Variants in LSR observed in about 807,000 individuals in gnomAD.
The protein encoded by LSR is lipolysis stimulated lipoprotein receptor, also known as lipolysis-stimulated lipoprotein receptor.
A neutral mutation model predicts 61.8 loss-of-function variants in LSR; 44 were observed. The observed-to-expected ratio is 0.71, with a 90% confidence interval of 0.56 to 0.91. The LOEUF is 0.91. Among genes scored for constraint, LSR ranks in the 40% least tolerant of loss-of-function variants. The pLI is 0.00. For missense variants in LSR, 911 were observed against 830.5 expected, an observed-to-expected ratio of 1.10 and a Z score of -1.19; for synonymous variants, 397 against 350.6, an observed-to-expected ratio of 1.13 and a Z score of -1.48.
chr19:35,250,791 A>AATT, intron 2 of LSR, 132 bp downstream of exon 2: 2 of 599,130 alleles, frequency 3.3e-6, no homozygotes, highest in Non-Finnish European at 5.4e-6. Context: ...TGAAGGGAGC[A>AATT]ATTCTTTTTT....
chr19:35,254,185 G>A (rs62112772), intron 2 of LSR, among the ~76,000 whole-genome samples: 24,771 of 152,032 alleles, frequency 0.16, 2,528 homozygotes, highest in South Asian at 0.23. Flanking sequence ...CCTCTGCCTC[G>A]CAAGTTCAAG....
chr19:35,258,892 G>A (rs1469225894), intron 2 of LSR, 53 bp from the exon 3 acceptor site: 25 of 1,610,660 alleles, frequency 1.6e-5, no homozygotes, highest in Non-Finnish European at 2.0e-5. Context: ...GCCCTCCAGG[G>A]GTTAGGTGCC....
rs2901966 is a variant in LSR, at chr19:35,262,847, T to G, written c.778+155T>G. On this transcript the variant is annotated intron_variant, in intron 5 of 9. Coordinates refer to ENST00000605618, the MANE Select transcript of LSR (RefSeq NM_205834.4). ...AGTAGGCTGAGGAGGGTCTGCTGTT[T>G]AGATTGTCGTTTACTTCCTCCAACT... The G allele has an allele frequency of 4.1e-4, 325 of 799,440 alleles. No individual in the cohort carries two copies. In the African/African-American group the frequency reaches 5.1e-3, roughly 13 times the overall value. The allele number at this position is 799,440 out of a possible 1,614,324, so 49.5% of individuals were successfully genotyped here.
Position 35,262,649 on chromosome 19 carries a change from C to G in LSR, c.735C>G (p.Val245=), listed in dbSNP as rs766257659. 9.0e-5 allele frequency: 146 copies of G among 1,614,044 alleles called. No homozygotes were observed. Among genetic ancestry groups the G allele is most frequent in the Non-Finnish European group, 1.1e-4 (131 of 1,180,038 alleles). The change falls in exon 5 of 10, where the codon GTC becomes GTG. Residue 245 remains valine, a synonymous_variant. Coordinates refer to ENST00000605618, the MANE Select transcript of LSR (RefSeq NM_205834.4). ...QCCPHTCCCY[V]RCPCCPDKCC... is the part of the protein sequence containing the mutation. ...GCCCGCACACTTGCTGCTGCTACGT[C>G]AGGTGCCCCTGCTGCCCAGACAAGT...
intron 2 of LSR, 70 bp from the exon 3 acceptor site, chr19:35,258,875 G>A: frequency 6.2e-7 from 1 of 1,604,034 alleles, no homozygotes; most frequent in Middle Eastern, 1.7e-4. Flanking sequence ...CTGGGAAGGG[G>A]TCTTTGGCCC....
At chr19:35,262,019 C>A in intron 4 of LSR, 38 bp downstream of exon 4, 2 of 1,501,192 alleles carry the variant, frequency 1.3e-6, no homozygotes, top group Non-Finnish European at 1.8e-6. Context: ...TTCTCGGGAG[C>A]TCCCATACAT....
intron 3 of LSR, among the ~76,000 whole-genome samples, chr19:35,260,928 G>A (rs906837728): frequency 1.3e-5 from 2 of 152,348 alleles, no homozygotes; most frequent in Non-Finnish European, 1.5e-5. Context: ...ACATTCATGG[G>A]AGAACAAGTG....
Position 35,267,589 on chromosome 19 carries a change from T to C in LSR, c.1625T>C (p.Leu542Pro). 1 of 1,612,098 alleles carries C rather than the reference T, an allele frequency of 6.2e-7. No homozygotes were observed. Among genetic ancestry groups the C allele is most frequent in the Non-Finnish European group, 8.5e-7 (1 of 1,179,628 alleles). Reference sequence around the variant, plus strand: ...GGGGACCTCCCCTATGATGGGCGGCTACTGGAGGAGGCTGTGAGGAAGAAG... The same window carrying C: ...GGGGACCTCCCCTATGATGGGCGGCCACTGGAGGAGGCTGTGAGGAAGAAG... ...RSGDLPYDGR[L>P]LEEAVRKKGS... Residue 542 changes from leucine (L) to proline (P), a missense_variant, in exon 9 of 10, where the codon CTA (leucine) becomes CCA (proline). Transcript: ENST00000605618.
At chr19:35,249,453 G>C (rs531763780) in intron 1 of LSR, 3 of 375,392 alleles carry the variant, frequency 8.0e-6, no homozygotes, top group East Asian at 1.1e-4. Context: ...AGAAAAGCCG[G>C]GATGGGACTT....
intron 3 of LSR, 35 bp downstream of exon 3, chr19:35,259,099 TC>T: frequency 6.2e-7 from 1 of 1,600,190 alleles, no homozygotes; most frequent in Non-Finnish European, 8.5e-7. Flanking sequence ...GCATGGCCCT[TC>T]CTTTTGTCCG....
intron 2 of LSR, chr19:35,251,685 G>A (rs2065793759): frequency 6.6e-6 from 1 of 152,174 alleles, no homozygotes; most frequent in South Asian, 2.1e-4. Flanking sequence ...GAGAAAGCCT[G>A]TGACATGCCA....
chr19:35,256,430 T>C (rs2065857689), intron 2 of LSR, among the ~76,000 whole-genome samples: 2 of 152,232 alleles, frequency 1.3e-5, no homozygotes, highest in African/African-American at 4.8e-5. Flanking sequence ...TTTTATTTTT[T>C]TGCAAGTCTC....
At chr19:35,266,581 T>A (rs748012806) in intron 6 of LSR, 49 bp downstream of exon 6, 2 of 1,602,176 alleles carry the variant, frequency 1.2e-6, no homozygotes, top group Admixed American at 3.4e-5. Context: ...GCTGGGCATC[T>A]GGACACTGAG....
chr19:35,262,642 GCTA>G lies in LSR; in HGVS notation c.730_732del (p.Tyr244del). The G allele has an allele frequency of 6.2e-7, 1 of 1,614,164 alleles. No individual in the cohort carries two copies. Among genetic ancestry groups the G allele is most frequent in the Non-Finnish European group, 8.5e-7 (1 of 1,180,034 alleles). On this transcript the variant is annotated inframe_deletion, in exon 5 of 10. Coordinates refer to ENST00000605618, the MANE Select transcript of LSR (RefSeq NM_205834.4). ...CAGTGCTGCCCGCACACTTGCTGCT[GCTA>G]CGTCAGGTGCCCCTGCTGCCCAGAC...
At chr19:35,254,165 C>T (rs1236734648) in intron 2 of LSR, among the ~76,000 whole-genome samples, 1 of 152,154 alleles carries the variant, frequency 6.6e-6, no homozygotes, top group Non-Finnish European at 1.5e-5. Flanking sequence ...GCAATCTCAG[C>T]TCACTGCAAC....
At chr19:35,267,774 C>T (rs771265777) in intron 9 of LSR, 40 bp downstream of exon 9, 5 of 1,613,474 alleles carry the variant, frequency 3.1e-6, no homozygotes, top group Non-Finnish European at 4.2e-6. Flanking sequence ...CGTCCCTGGG[C>T]CCCCAGCCGG....
intron 1 of LSR, among the ~76,000 whole-genome samples, chr19:35,249,959 C>G (rs974445965): frequency 6.6e-6 from 1 of 152,192 alleles, no homozygotes; most frequent in Non-Finnish European, 1.5e-5. Flanking sequence ...GGGGCATCAA[C>G]ATGGCCATCT....
chr19:35,262,817 G>C, intron 5 of LSR, 125 bp downstream of exon 5: 2 of 1,190,176 alleles, frequency 1.7e-6, no homozygotes, highest in South Asian at 1.5e-5. Context: ...AGCCAGTGGG[G>C]AGAAAGTAGG....
chr19:35,253,104 G>A (rs529647910), intron 2 of LSR, among the ~76,000 whole-genome samples: 2 of 152,276 alleles, frequency 1.3e-5, no homozygotes, highest in Admixed American at 6.5e-5. Flanking sequence ...TGGATCACCT[G>A]AGGTCAGGAG....
Sources: allele counts gnomAD v4.1 joint callset (sites outside exome capture counted in the v4.1 genomes callset), GRCh38; gene constraint gnomAD v4.1.1; transcripts MANE v1.5; gene names NCBI Gene and HGNC (gene_info 2026-07-23, HGNC 2026-07-21).